Variants in GRIK1 observed in about 807,000 individuals in gnomAD.
GRIK1 encodes glutamate receptor ionotropic, kainate 1.
Under a neutral mutation model 105.7 loss-of-function variants are expected in GRIK1, and 69 were observed. The observed-to-expected ratio is 0.65, with a 90% CI of 0.54 to 0.80. The LOEUF is 0.80. Ranked by LOEUF, GRIK1 falls within the 30% of genes least tolerant of loss-of-function variation. The pLI is 0.00. For synonymous variants in GRIK1, 438 were observed against 431.3 expected (o/e 1.02, Z -0.19); for missense variants, 1,109 against 1,167.3 (o/e 0.95, Z 0.73).
intron 2 of GRIK1, among the ~76,000 whole-genome samples, chr21:29,691,186 C>T (rs929587969): frequency 1.3e-5 from 2 of 152,042 alleles, no homozygotes; most frequent in Admixed American, 1.3e-4. Flanking sequence ...TGGTGTGCAC[C>T]TGTCGTCCCA....
intron 16 of GRIK1, among the ~76,000 whole-genome samples, chr21:29,550,306 T>C (rs1048570882): frequency 6.6e-6 from 1 of 152,124 alleles, no homozygotes; most frequent in African/African-American, 2.4e-5. Flanking sequence ...AGGTTTTTCC[T>C]GAATTCTAAG....
At chr21:29,627,346 A>G (rs970053609) in intron 7 of GRIK1, among the ~76,000 whole-genome samples, 3 of 152,212 alleles carry the variant, frequency 2.0e-5, no homozygotes, top group Non-Finnish European at 4.4e-5. Context: ...ATAAAGCAGC[A>G]CTTCCAAAAG....
chr21:29,801,092 C>A (rs990642185), intron 1 of GRIK1, among the ~76,000 whole-genome samples: 14 of 152,018 alleles, frequency 9.2e-5, no homozygotes, highest in South Asian at 2.1e-4. Flanking sequence ...GTGTTGAGTA[C>A]CTTGTTGAAG....
chr21:29,611,365 C>A (rs972477916), intron 7 of GRIK1, among the ~76,000 whole-genome samples: 1 of 151,992 alleles, frequency 6.6e-6, no homozygotes, highest in South Asian at 2.1e-4. Context: ...CTCAGATATT[C>A]ATTTCCATTA....
At position 29,831,395 on chromosome 21, in the gene GRIK1, C is replaced by T. The variant is rs182561332; in HGVS notation, c.118+107988G>A. Among the ~76,000 whole-genome samples, 443 of 152,258 alleles carry T rather than the reference C, an allele frequency of 2.9e-3. 4 individuals are homozygous for T. The highest frequency in any genetic ancestry group is 0.01 in the African/African-American group (424 of 41,552). On this transcript the variant is annotated intron_variant, in intron 1 of 17. Coordinates refer to ENST00000327783, the MANE Select transcript of GRIK1 (RefSeq NM_001330994.2). ...CCTTCTGGCAGAAATATTCTATCTA[C>T]CCCCTGTATTCGTCCATTCTCACAT...
chr21:29,796,214 G>A (rs1208643882), intron 1 of GRIK1, among the ~76,000 whole-genome samples: 1 of 152,166 alleles, frequency 6.6e-6, no homozygotes, highest in Non-Finnish European at 1.5e-5. Flanking sequence ...GCTAAATAAT[G>A]TGGAAGAAAT....
intron 1 of GRIK1, among the ~76,000 whole-genome samples, chr21:29,879,677 C>A (rs2069325669): frequency 6.6e-6 from 1 of 151,988 alleles, no homozygotes; most frequent in South Asian, 2.1e-4. Context: ...ACTAGTAGAA[C>A]AATTAGCAGT....
intron 3 of GRIK1, among the ~76,000 whole-genome samples, chr21:29,678,895 T>G (rs897054384): frequency 6.6e-6 from 1 of 152,216 alleles, no homozygotes; most frequent in Non-Finnish European, 1.5e-5. Flanking sequence ...TTGATTTTCT[T>G]TGAGTCCAAA....
chr21:29,840,270 T>C (rs1022769530), intron 1 of GRIK1, among the ~76,000 whole-genome samples: 2 of 152,210 alleles, frequency 1.3e-5, no homozygotes, highest in African/African-American at 4.8e-5. Context: ...AATACAAACA[T>C]GATTTTAGGA....
intron 16 of GRIK1, among the ~76,000 whole-genome samples, chr21:29,538,362 A>G (rs2089915218): frequency 6.6e-6 from 1 of 152,182 alleles, no homozygotes; most frequent in South Asian, 2.1e-4. Context: ...AACATCTAAA[A>G]TAGTCAAAGT....
chr21:29,667,921 A>G (rs1351237341), intron 4 of GRIK1, among the ~76,000 whole-genome samples: 2 of 152,226 alleles, frequency 1.3e-5, no homozygotes, highest in Non-Finnish European at 2.9e-5. Context: ...CGGTTTCTTA[A>G]TAGTATAGGA....
intron 1 of GRIK1, among the ~76,000 whole-genome samples, chr21:29,795,977 T>C (rs935099718): frequency 6.6e-6 from 1 of 152,186 alleles, no homozygotes; most frequent in South Asian, 2.1e-4. Flanking sequence ...CCATGACTAC[T>C]GGAAATGGCC....
intron 1 of GRIK1, among the ~76,000 whole-genome samples, chr21:29,873,344 G>A (rs2146145454): frequency 6.6e-6 from 1 of 152,232 alleles, no homozygotes; most frequent in East Asian, 1.9e-4. Context: ...AAAAGTAATT[G>A]GGCATTTCTG....
intron 1 of GRIK1, among the ~76,000 whole-genome samples, chr21:29,786,444 C>T (rs1045620237): frequency 6.6e-6 from 1 of 152,026 alleles, no homozygotes; most frequent in African/African-American, 2.4e-5. Context: ...AGGATATGGA[C>T]CTATCTTTTT....
chr21:29,908,485 A>G (rs2070717633), intron 1 of GRIK1, among the ~76,000 whole-genome samples: 1 of 152,136 alleles, frequency 6.6e-6, no homozygotes, highest in South Asian at 2.1e-4. Flanking sequence ...CGAACAGCAG[A>G]GCGTACCTTC....
At chr21:29,914,501 C>T (rs1270990328) in intron 1 of GRIK1, among the ~76,000 whole-genome samples, 1 of 152,068 alleles carries the variant, frequency 6.6e-6, no homozygotes, top group East Asian at 1.9e-4. Context: ...GTCAGCAATG[C>T]CAACTTCAAG....
chr21:29,802,073 C>T (rs2066726438), intron 1 of GRIK1, among the ~76,000 whole-genome samples: 1 of 152,108 alleles, frequency 6.6e-6, no homozygotes, highest in Non-Finnish European at 1.5e-5. Flanking sequence ...TCCAGTTATG[C>T]TGAAACTGAG....
chr21:29,560,361 C>CTTTCTTTCTT (rs1568813547), intron 15 of GRIK1, among the ~76,000 whole-genome samples: 4 of 35,258 alleles, frequency 1.1e-4, no homozygotes, highest in South Asian at 1.3e-3. Context: ...CTTTCTTTTT[C>CTTTCTTTCTT]TTTCTTCCTT....
chr21:29,679,167 T>C (rs1427016685), intron 3 of GRIK1, among the ~76,000 whole-genome samples: 1 of 152,192 alleles, frequency 6.6e-6, no homozygotes, highest in Non-Finnish European at 1.5e-5. Flanking sequence ...CATGTATGTT[T>C]TCTCCCAGGG....
Sources: allele counts gnomAD v4.1 joint callset (sites outside exome capture counted in the v4.1 genomes callset), GRCh38; gene constraint gnomAD v4.1.1; transcripts MANE v1.5; gene names NCBI Gene and HGNC (gene_info 2026-07-23, HGNC 2026-07-21).